Variants in SLC39A11 observed in about 807,000 individuals in gnomAD.
SLC39A11 encodes the protein zinc transporter ZIP11.
A neutral mutation model predicts 36.1 loss-of-function variants in SLC39A11; 33 were observed. The ratio of observed to expected loss-of-function variants is 0.91; its 90% CI spans 0.69 to 1.22. The LOEUF (loss-of-function observed/expected upper bound fraction) is 1.22. Among genes scored for constraint, SLC39A11 ranks in the 50% most tolerant of loss-of-function variants. SLC39A11 has a pLI of 0.00. For synonymous variants in SLC39A11, 166 were observed against 170.3 expected (o/e 0.97, Z 0.20); for missense variants, 432 against 430.3 (o/e 1.00, Z -0.03).
At chr17:72,967,397 A>AGT (rs1372219975) in intron 4 of SLC39A11, among the ~76,000 whole-genome samples, 3 of 140,794 alleles carry the variant, frequency 2.1e-5, no homozygotes, top group Non-Finnish European at 3.0e-5. Flanking sequence ...AGAGAGAGAG[A>AGT]GAGTGTGTGT....
chr17:72,725,873 G>A (rs1227103125), intron 7 of SLC39A11, among the ~76,000 whole-genome samples: 1 of 152,228 alleles, frequency 6.6e-6, no homozygotes, highest in Non-Finnish European at 1.5e-5. Context: ...ATGTGCGATT[G>A]CAGATAAAGA....
intron 4 of SLC39A11, among the ~76,000 whole-genome samples, chr17:73,004,044 C>G (rs1032477568): frequency 6.6e-6 from 1 of 150,702 alleles, no homozygotes; most frequent in South Asian, 2.1e-4. Context: ...CAAGATCGCA[C>G]CACTGCCCTC....
chr17:72,680,866 T>C (rs532094432), intron 7 of SLC39A11, among the ~76,000 whole-genome samples: 1 of 152,360 alleles, frequency 6.6e-6, no homozygotes, highest in African/African-American at 2.4e-5. Flanking sequence ...CATCCACTGA[T>C]GGACATTTGG....
intron 4 of SLC39A11, among the ~76,000 whole-genome samples, chr17:72,999,194 G>A (rs751234874): frequency 9.9e-5 from 15 of 152,134 alleles, no homozygotes; most frequent in African/African-American, 2.4e-4. Flanking sequence ...GGTTCCTAGC[G>A]CAACACTAAT....
intron 7 of SLC39A11, among the ~76,000 whole-genome samples, chr17:72,734,478 G>A (rs1463622970): frequency 2.0e-5 from 3 of 152,166 alleles, no homozygotes; most frequent in Non-Finnish European, 4.4e-5. Context: ...AGTGATGCTT[G>A]TATAGCAGAG....
chr17:72,976,952 C>T (rs2087897267), intron 4 of SLC39A11, among the ~76,000 whole-genome samples: 1 of 152,182 alleles, frequency 6.6e-6, no homozygotes, highest in Admixed American at 6.5e-5. Flanking sequence ...GAATTTCTAA[C>T]ATGGTGCCCC....
intron 6 of SLC39A11, among the ~76,000 whole-genome samples, chr17:72,805,193 C>A (rs2077212576): frequency 6.6e-6 from 1 of 152,136 alleles, no homozygotes; most frequent in African/African-American, 2.4e-5. Flanking sequence ...GGTGGGGGCT[C>A]TGGATCTCTA....
chr17:72,930,578 CAGA>C (rs1360529263), intron 5 of SLC39A11, among the ~76,000 whole-genome samples: 2 of 152,208 alleles, frequency 1.3e-5, no homozygotes, highest in East Asian at 3.9e-4. Flanking sequence ...CTGAGACACA[CAGA>C]AGAAGCGACT....
At chr17:72,924,162 A>AATT (rs560384382) in intron 5 of SLC39A11, among the ~76,000 whole-genome samples, 27 of 120,568 alleles carry the variant, frequency 2.2e-4, no homozygotes, top group African/African-American at 9.9e-4. Context: ...AAAAAAAAAA[A>AATT]TTTTTTTTTT....
chr17:72,680,227 C>T (rs1418324288), intron 7 of SLC39A11, among the ~76,000 whole-genome samples: 2 of 151,960 alleles, frequency 1.3e-5, no homozygotes, highest in African/African-American at 4.8e-5. Flanking sequence ...AATGCTATAC[C>T]CATTAGCAGT....
At chr17:72,963,326 A>G (rs1359757081) in intron 4 of SLC39A11, among the ~76,000 whole-genome samples, 1 of 150,572 alleles carries the variant, frequency 6.6e-6, no homozygotes, top group East Asian at 2.0e-4. Flanking sequence ...GCCCGCCACC[A>G]CGCCCGGCTA....
intron 5 of SLC39A11, among the ~76,000 whole-genome samples, chr17:72,896,261 G>C (rs1249808567): frequency 2.2e-5 from 3 of 134,012 alleles, no homozygotes; most frequent in Non-Finnish European, 4.6e-5. Context: ...GAGTTCAGTG[G>C]TGCAATCTTG....
At chr17:72,927,146 A>C (rs1567967593) in intron 5 of SLC39A11, among the ~76,000 whole-genome samples, 2 of 152,144 alleles carry the variant, frequency 1.3e-5, no homozygotes, top group African/African-American at 4.8e-5. Context: ...TCCTGGGTGC[A>C]AGCAGTTCTC....
chr17:73,016,469 G>A (rs368740144), intron 4 of SLC39A11, among the ~76,000 whole-genome samples: 4 of 152,084 alleles, frequency 2.6e-5, no homozygotes, highest in East Asian at 3.9e-4. Context: ...GAGTAGCTGG[G>A]ATTACAGGCA....
At chr17:72,949,921 A>G (rs1374189993) in intron 4 of SLC39A11, among the ~76,000 whole-genome samples, 1 of 151,292 alleles carries the variant, frequency 6.6e-6, no homozygotes, top group Non-Finnish European at 1.5e-5. Flanking sequence ...TCATGAAGGA[A>G]TCTCACAAAA....
chr17:72,827,077 T>C (rs2078060231), intron 6 of SLC39A11, among the ~76,000 whole-genome samples: 1 of 152,180 alleles, frequency 6.6e-6, no homozygotes, highest in African/African-American at 2.4e-5. Flanking sequence ...TTCATAATAG[T>C]CCAACAGTAG....
At chr17:72,965,351 G>A (rs74691669) in intron 4 of SLC39A11, among the ~76,000 whole-genome samples, 6,429 of 152,144 alleles carry the variant, frequency 0.042, 157 homozygotes, top group Non-Finnish European at 0.057. Flanking sequence ...AAGTATGGAC[G>A]ATCCCTGGTT....
chr17:72,996,366 G>T (rs931820103), intron 4 of SLC39A11, among the ~76,000 whole-genome samples: 10 of 152,096 alleles, frequency 6.6e-5, no homozygotes, highest in Non-Finnish European at 1.3e-4. Flanking sequence ...GTTTTCTAGG[G>T]CTGCCGGAAC....
At chr17:73,000,998 T>C (rs1220106256) in intron 4 of SLC39A11, among the ~76,000 whole-genome samples, 1 of 152,172 alleles carries the variant, frequency 6.6e-6, no homozygotes, top group African/African-American at 2.4e-5. Flanking sequence ...ATCTGCTGCA[T>C]CCAGTTTGAA....
Sources: gnomAD v4.1 joint callset for allele counts (sites outside exome capture counted in the v4.1 genomes callset) on GRCh38, gnomAD v4.1.1 for gene constraint, MANE v1.5 for transcripts, NCBI Gene and HGNC (gene_info 2026-07-23, HGNC 2026-07-21) for gene names.